Variants in ABCB10 observed in about 807,000 individuals in gnomAD.
The protein encoded by ABCB10 is ATP binding cassette subfamily B member 10.
A neutral mutation model predicts 65.4 loss-of-function variants in ABCB10; 54 were observed. That is an observed-to-expected ratio of 0.83 (90% CI 0.66 to 1.04). The LOEUF is 1.04. ABCB10 is among the 50% of genes least tolerant of loss of function. The pLI is 0.00. For synonymous variants in ABCB10, 418 were observed against 406.5 expected (o/e 1.03, Z -0.34); for missense variants, 846 against 976.6 (o/e 0.87, Z 1.78).
intron 10 of ABCB10, among the ~76,000 whole-genome samples, chr1:229,525,555 T>C (rs568067627): frequency 9.9e-5 from 15 of 152,220 alleles, no homozygotes; most frequent in Admixed American, 8.5e-4. Flanking sequence ...TATAGAAACA[T>C]GTGGGCTGGG....
Position 229,549,452 on chromosome 1 carries a change from T to A in ABCB10, c.518-18A>T. 1 of 1,607,062 alleles carries A rather than the reference T, an allele frequency of 6.2e-7. No homozygotes were observed. Among genetic ancestry groups the A allele is most frequent in the South Asian group, 1.1e-5 (1 of 90,206 alleles). On this transcript the variant is annotated intron_variant, in intron 1 of 12. Coordinates refer to ENST00000344517, the MANE Select transcript of ABCB10 (RefSeq NM_012089.3). ...AACCGCAGCTAGAAAACACAAGCAC[T>A]CTCAATGTTCAGGTTGCTTCAGCAA...
Position 229,525,578 on chromosome 1 carries a change from C to T in ABCB10, c.1906+358G>A, listed in dbSNP as rs568423493. On this transcript the variant is annotated intron_variant, in intron 10 of 12. Transcript: ENST00000344517. ...CATGTGGGCTGGGCACGGTGGCTCACGCCTGTAATCCCAGCACTTTGCGAG... is the reference window on the plus strand; with the variant it reads ...CATGTGGGCTGGGCACGGTGGCTCATGCCTGTAATCCCAGCACTTTGCGAG... 2.6e-5 allele frequency among the ~76,000 whole-genome samples: 4 copies of T among 152,240 alleles called. No individual in the cohort carries two copies. In the South Asian group the frequency reaches 8.3e-4, roughly 32 times the overall value.
chr1:229,557,402 A>C (rs971175328), intron 1 of ABCB10, among the ~76,000 whole-genome samples: 1 of 152,230 alleles, frequency 6.6e-6, no homozygotes, highest in Non-Finnish European at 1.5e-5. Context: ...TGAGGGCTCA[A>C]CAGATGTTTA....
chr1:229,520,469 CAAAAAAAA>C (rs1220467693), intron 11 of ABCB10, among the ~76,000 whole-genome samples: 1 of 94,074 alleles, frequency 1.1e-5, no homozygotes, highest in East Asian at 3.2e-4. Flanking sequence ...GACTCTGTCT[CAAAAAAAA>C]GAAAAAAAGA....
In ABCB10 at chr1:229,542,376, C is replaced by CAAAA; in HGVS notation, c.922-9_922-6dup. The CAAAA allele has an allele frequency of 6.3e-7, 1 of 1,591,684 alleles. No individual in the cohort carries two copies. Among genetic ancestry groups the CAAAA allele is most frequent in the African/African-American group, 1.4e-5 (1 of 72,872 alleles). Reference sequence around the variant, plus strand: ...CAGATTAGGTGAGACAAAAAACTGTCAAAAACAAAAAAAAATTCAGAGGTG... The same window carrying CAAAA: ...CAGATTAGGTGAGACAAAAAACTGTCAAAAAAAAACAAAAAAAAATTCAGAGGTG... On this transcript the variant is annotated splice_region_variant and splice_polypyrimidine_tract_variant and intron_variant, in intron 3 of 12. Coordinates refer to ENST00000344517, the MANE Select transcript of ABCB10 (RefSeq NM_012089.3).
intron 11 of ABCB10, among the ~76,000 whole-genome samples, chr1:229,519,711 C>A (rs541561575): frequency 1.4e-3 from 210 of 152,354 alleles, no homozygotes; most frequent in Non-Finnish European, 2.6e-3. Context: ...ATCGCTTGAA[C>A]TCGGGAAGTG....
At position 229,547,532 on chromosome 1, in the gene ABCB10, G is replaced by A. The variant is rs146106517; in HGVS notation, c.888C>T (p.Ala296=). ...VTENLSDGLR[A]GAQASVGISM... ...TGATGCCTACGGAAGCCTGGGCCCC[G>A]GCCCTGAGCCCATCTGAGAGGTTTT... The change falls in exon 3 of 13, where the codon GCC becomes GCT. Residue 296 remains alanine, a synonymous_variant. Transcript: ENST00000344517. 6.6e-5 allele frequency: 107 copies of A among 1,613,350 alleles called. No homozygotes were observed. Among genetic ancestry groups the A allele is most frequent in the Non-Finnish European group, 8.0e-5 (94 of 1,179,890 alleles).
At chr1:229,531,579 C>G in intron 7 of ABCB10, 57 bp downstream of exon 7, 1 of 1,531,186 alleles carries the variant, frequency 6.5e-7, no homozygotes, top group African/African-American at 1.4e-5. Flanking sequence ...AAGAGCTGGT[C>G]TCATTGTTCA....
chr1:229,546,706 A>C (rs1309876236), intron 3 of ABCB10, among the ~76,000 whole-genome samples: 1 of 151,970 alleles, frequency 6.6e-6, no homozygotes, highest in Non-Finnish European at 1.5e-5. Flanking sequence ...CCCTGCCTCT[A>C]CAAAAAATAT....
chr1:229,530,832 G>A (rs949615739), intron 7 of ABCB10, among the ~76,000 whole-genome samples: 10 of 152,140 alleles, frequency 6.6e-5, no homozygotes, highest in Non-Finnish European at 1.5e-4. Context: ...TTACCTACCC[G>A]GAATAAATAT....
chr1:229,527,909 T>A (rs752994953), intron 8 of ABCB10, among the ~76,000 whole-genome samples: 4 of 152,216 alleles, frequency 2.6e-5, no homozygotes, highest in African/African-American at 9.6e-5. Flanking sequence ...CCTTAAAATA[T>A]CCCTTTCTGT....
intron 2 of ABCB10, 138 bp downstream of exon 2, chr1:229,549,096 C>T: frequency 1.2e-6 from 1 of 848,202 alleles, no homozygotes; most frequent in Non-Finnish European, 1.9e-6. Flanking sequence ...TCATTGGACT[C>T]TATCCCCACT....
chr1:229,539,507 C>T lies in ABCB10; in HGVS notation c.1288G>A (p.Glu430Lys), dbSNP rs1002846452. Residue 430 changes from glutamate (E) to lysine (K), a missense_variant, in exon 6 of 13, where the codon GAA becomes AAA. Glu to Lys is a moderately conservative substitution (Grantham distance 56, BLOSUM62 1). Transcript: ENST00000344517. ...GCATACATTAGGAAGGAAGAGAGTT[C>T]ACCCACGGTCATGTGGGCACTGCCC... ...LMGSAHMTVG[E>K]LSSFLMYAFW... The T allele has an allele frequency of 6.2e-7, 1 of 1,613,862 alleles. No individual in the cohort carries two copies. Among genetic ancestry groups the T allele is most frequent in the Non-Finnish European group, 8.5e-7 (1 of 1,179,902 alleles).
chr1:229,546,295 C>A (rs1006037189), intron 3 of ABCB10, among the ~76,000 whole-genome samples: 1 of 151,054 alleles, frequency 6.6e-6, no homozygotes, highest in Non-Finnish European at 1.5e-5. Flanking sequence ...GTTATAAGAA[C>A]ATAGTATATA....
rs1662871797 is a variant in ABCB10, at chr1:229,542,336, C to T, written c.957G>A (p.Leu319=). The change falls in exon 4 of 13, where the codon TTG becomes TTA. Residue 319 remains leucine, a synonymous_variant. Coordinates refer to ENST00000344517, the MANE Select transcript of ABCB10 (RefSeq NM_012089.3). ...TGATTGACACTGGAGGCACCACGCT[C>T]AAAACAAAGGTGGCCAGATTAGGTG... is the stretch of plus-strand genomic sequence containing the variant. The part of the protein sequence containing the change: ...FVSPNLATFV[L]SVVPPVSIIA... The T allele has an allele frequency of 1.2e-6, 2 of 1,613,530 alleles. No homozygotes were observed. The highest frequency in any genetic ancestry group is 1.7e-6 in the Non-Finnish European group (2 of 1,179,926).
chr1:229,531,805 A>T, intron 6 of ABCB10, 74 bp from the exon 7 acceptor site: 1 of 1,157,962 alleles, frequency 8.6e-7, no homozygotes, highest in Non-Finnish European at 1.2e-6. Flanking sequence ...CTCTGAGAGG[A>T]GTGACAATGA....
At chr1:229,525,634 A>G (rs1478720809) in intron 10 of ABCB10, among the ~76,000 whole-genome samples, 1 of 152,138 alleles carries the variant, frequency 6.6e-6, no homozygotes, top group Non-Finnish European at 1.5e-5. Flanking sequence ...AGGTCAGGAG[A>G]TCAAGACTAT....
chr1:229,558,579 G>T lies in ABCB10; in HGVS notation c.74C>A (p.Pro25Gln). 1 of 1,444,858 alleles carries T rather than the reference G, an allele frequency of 6.9e-7. No individual in the cohort carries two copies. The highest frequency in any genetic ancestry group is 9.1e-7 in the Non-Finnish European group (1 of 1,101,106). The allele number at this position is 1,444,858 out of a possible 1,614,324, so 89.5% of individuals were successfully genotyped here. The change falls in exon 1 of 13, where the codon CCG becomes CAG. Residue 25 changes from proline (P) to glutamine (Q), a missense_variant. Physicochemically the swap from Pro to Gln is moderately conservative, Grantham distance 76. Around this residue, in one of 2 missense-constraint regions of ABCB10, gnomAD observed 214 missense variants for 173.5 expected, o/e 1.23. Coordinates refer to ENST00000344517, the MANE Select transcript of ABCB10 (RefSeq NM_012089.3). ...GGCCGCGGCCCACACGCAGGCTACC[G>T]GCAGGAGCCGACCTGGCTCGGCAGG... is the stretch of plus-strand genomic sequence containing the variant. ...PSPAEPGRLL[P>Q]VACVWAAASR...
intron 6 of ABCB10, among the ~76,000 whole-genome samples, chr1:229,539,087 T>A (rs528531286): frequency 6.4e-4 from 97 of 152,334 alleles, no homozygotes; most frequent in African/African-American, 2.2e-3. Context: ...CACGAAACCA[T>A]GACTAACACA....
Sources: gnomAD v4.1 joint callset for allele counts (sites outside exome capture counted in the v4.1 genomes callset) on GRCh38, gnomAD v4.1.1 for gene constraint, gnomAD v4.1.1 regional missense constraint, MANE v1.5 for transcripts, NCBI Gene and HGNC (gene_info 2026-07-23, HGNC 2026-07-21) for gene names.